The following ATAD1 variants were observed in gnomAD, a reference collection of about 807,000 sequenced individuals.
ATAD1 encodes the protein outer mitochondrial transmembrane helix translocase.
Under a neutral mutation model 42.7 loss-of-function variants are expected in ATAD1, and 18 were observed. The observed-to-expected ratio is 0.42, with a 90% CI of 0.29 to 0.63. ATAD1 has a LOEUF of 0.63. ATAD1 is among the 20% of genes least tolerant of loss of function. The pLI is 0.19. For missense variants in ATAD1, 294 were observed against 440.4 expected (o/e 0.67, Z 2.98); for synonymous variants, 132 against 143.1 (o/e 0.92, Z 0.55).
intron 3 of ATAD1, among the ~76,000 whole-genome samples, chr10:87,792,451 A>G (rs542140073): frequency 6.6e-6 from 1 of 152,140 alleles, no homozygotes; most frequent in Non-Finnish European, 1.5e-5. Context: ...TTCAGACTTC[A>G]TCCCATGCCC....
chr10:87,790,986 C>T (rs1236831794), intron 3 of ATAD1, among the ~76,000 whole-genome samples: 2 of 125,854 alleles, frequency 1.6e-5, no homozygotes, highest in African/African-American at 3.7e-5. Context: ...GAGTTCGGGA[C>T]CAGCCTGGCC....
intron 1 of ATAD1, among the ~76,000 whole-genome samples, chr10:87,838,889 C>T (rs532571399): frequency 1.3e-5 from 2 of 152,324 alleles, no homozygotes; most frequent in South Asian, 4.1e-4. Context: ...AAGTAGATTT[C>T]TGCTGTTTTC....
intron 1 of ATAD1, chr10:87,815,003 G>C (rs750457085): frequency 1.3e-5 from 2 of 152,358 alleles, no homozygotes; most frequent in African/African-American, 4.8e-5. Flanking sequence ...CTAATGTGAC[G>C]GTAAGAATTT....
chr10:87,758,598 T>C (rs531737689), intron 8 of ATAD1, among the ~76,000 whole-genome samples: 11 of 152,212 alleles, frequency 7.2e-5, no homozygotes, highest in African/African-American at 2.6e-4. Flanking sequence ...AAAAAAACAG[T>C]CTTTGTGTTA....
chr10:87,753,741 AC>A lies in ATAD1; in HGVS notation c.*945del, dbSNP rs539213048. On this transcript the variant is annotated 3_prime_UTR_variant, in exon 10 of 10. Transcript: ENST00000680024. ...ATTTTTGGTGACCAAATTATATTTG[AC>A]CATAATTAAAGAACACATAACCTTA... is the stretch of plus-strand genomic sequence containing the variant. 524 of 152,720 alleles carry A rather than the reference AC, an allele frequency of 3.4e-3. No homozygotes were observed. Among genetic ancestry groups the A allele is most frequent in the African/African-American group, 0.012 (499 of 41,570 alleles). The allele number at this position is 152,720 out of a possible 1,614,324, so 9.5% of individuals were successfully genotyped here.
At chr10:87,826,536 A>C (rs1050730689) in intron 1 of ATAD1, among the ~76,000 whole-genome samples, 7 of 152,230 alleles carry the variant, frequency 4.6e-5, no homozygotes, top group Non-Finnish European at 7.4e-5. Context: ...AAGCTGAAGA[A>C]ATGCTAATAA....
At chr10:87,758,929 G>C (rs948922150) in intron 8 of ATAD1, among the ~76,000 whole-genome samples, 1 of 152,108 alleles carries the variant, frequency 6.6e-6, no homozygotes, top group African/African-American at 2.4e-5. Context: ...CTTAGGACCG[G>C]TGACAGCACC....
At chr10:87,785,200 A>C (rs1855768518) in intron 4 of ATAD1, among the ~76,000 whole-genome samples, 1 of 152,052 alleles carries the variant, frequency 6.6e-6, no homozygotes, top group Non-Finnish European at 1.5e-5. Context: ...AAAGAATAAA[A>C]CTATATTATT....
intron 1 of ATAD1, among the ~76,000 whole-genome samples, chr10:87,838,508 A>T (rs1857969407): frequency 6.8e-6 from 1 of 147,492 alleles, no homozygotes; most frequent in African/African-American, 2.5e-5. Flanking sequence ...GAGTGTGCTT[A>T]CTCCATCTTA....
At chr10:87,818,373 T>A, upstream of ATAD1, 1 of 492,034 alleles carries the variant, frequency 2.0e-6, no homozygotes, top group Non-Finnish European at 2.6e-6. Flanking sequence ...GATGTCTGCT[T>A]AAGCTACCTG....
intron 1 of ATAD1, among the ~76,000 whole-genome samples, chr10:87,836,960 T>TAAAA (rs1857941703): frequency 6.6e-6 from 1 of 152,242 alleles, no homozygotes; most frequent in East Asian, 1.9e-4. Flanking sequence ...CATTCTGTAA[T>TAAAA]TGAACCTATA....
chr10:87,838,411 C>T (rs1857966147), intron 1 of ATAD1, among the ~76,000 whole-genome samples: 1 of 128,178 alleles, frequency 7.8e-6, no homozygotes. Flanking sequence ...CCTGTAGCCT[C>T]AGATTGTGCC....
intron 2 of ATAD1, among the ~76,000 whole-genome samples, chr10:87,793,315 G>C (rs1378521006): frequency 6.6e-6 from 1 of 152,104 alleles, no homozygotes; most frequent in East Asian, 1.9e-4. Flanking sequence ...TAGGCAACCA[G>C]AGTTATAATA....
At chr10:87,826,300 A>C (rs1857728874) in intron 1 of ATAD1, among the ~76,000 whole-genome samples, 2 of 152,252 alleles carry the variant, frequency 1.3e-5, no homozygotes, top group African/African-American at 4.8e-5. Context: ...AGATTTCACA[A>C]ACCTTTCTAC....
At chr10:87,834,461 A>G (rs1449291517) in intron 1 of ATAD1, among the ~76,000 whole-genome samples, 2 of 152,164 alleles carry the variant, frequency 1.3e-5, no homozygotes, top group African/African-American at 4.8e-5. Context: ...TAATTTCTTT[A>G]CAGGTATAGG....
At chr10:87,756,670 T>A (rs2131750987) in intron 9 of ATAD1, 119 bp downstream of exon 9, 1 of 1,037,862 alleles carries the variant, frequency 9.6e-7, no homozygotes, top group Non-Finnish European at 1.3e-6. Context: ...GGGGTGATAA[T>A]CCAAATTTAC....
At position 87,770,997 on chromosome 10, in the gene ATAD1, C is replaced by T. The variant is rs770242821; in HGVS notation, c.735G>A (p.Ser245=). ...TTGTAGGCATTCTTCTCATTATAGC[C>T]GAGTCAAGGTCCTGAGGACGATTGG... ...GATNRPQDLD[S]AIMRRMPTRF... The change falls in exon 7 of 10, where the codon TCG becomes TCA. Residue 245 remains serine (S), a synonymous_variant. Transcript: ENST00000680024. 2.5e-5 allele frequency: 41 copies of T among 1,613,274 alleles called. No homozygotes were observed. The highest frequency in any genetic ancestry group is 1.6e-4 in the Middle Eastern group (1 of 6,078).
At chr10:87,792,621 T>G in intron 3 of ATAD1, 36 bp downstream of exon 3, 218 of 627,148 alleles carry the variant, frequency 3.5e-4, no homozygotes, top group Non-Finnish European at 5.5e-4. Flanking sequence ...CACCCCCACC[T>G]CTAAAAAAAT....
chr10:87,756,710 T>C, intron 9 of ATAD1, 79 bp downstream of exon 9: 1 of 1,364,766 alleles, frequency 7.3e-7, no homozygotes, highest in Non-Finnish European at 9.8e-7. Flanking sequence ...GTTTCTAATA[T>C]AAAGCAAAAT....
Sources: gnomAD v4.1 joint callset for allele counts (sites outside exome capture counted in the v4.1 genomes callset) on GRCh38, gnomAD v4.1.1 for gene constraint, MANE v1.5 for transcripts, NCBI Gene and HGNC (gene_info 2026-07-23, HGNC 2026-07-21) for gene names.